TNFRSF10C: variants seen among roughly 807,000 people sequenced by gnomAD.
TNFRSF10C encodes tumor necrosis factor receptor superfamily member 10C.
In TNFRSF10C, 17 loss-of-function variants were observed where a neutral mutation model predicts 16.7. The observed-to-expected ratio is 1.02, with a 90% CI of 0.70 to 1.53. The LOEUF is 1.53. Ranked by LOEUF, TNFRSF10C falls within the 40% of genes most tolerant of loss-of-function variation. The probability of loss-of-function intolerance (pLI) is 0.00; values close to 1 mark genes in which losing one functional copy is unlikely to be tolerated. For synonymous variants in TNFRSF10C, 73 were observed against 119.7 expected, an observed-to-expected ratio of 0.61 and a Z score of 2.55; for missense variants, 237 against 329.7, an observed-to-expected ratio of 0.72 and a Z score of 2.18.
chr8:23,105,051 G>A (rs138726730), intron 1 of TNFRSF10C, among the ~76,000 whole-genome samples: 3 of 152,258 alleles, frequency 2.0e-5, no homozygotes, highest in Admixed American at 6.5e-5. Context: ...CAATCTGTGC[G>A]CCAGGTCCTT....
chr8:23,102,940 C>T lies in TNFRSF10C; in HGVS notation c.-182C>T. ...GATTCTGGCAGTGCAGCTGTGGGAA[C>T]CTCTCCACGCGCACGAACTCAGCCA... On this transcript the variant is annotated 5_prime_UTR_variant, in exon 1 of 5. Coordinates refer to ENST00000356864, the MANE Select transcript of TNFRSF10C (RefSeq NM_003841.5). 6.7e-7 allele frequency: 1 copy of T among 1,488,878 alleles called. No individual in the cohort carries two copies. The highest frequency in any genetic ancestry group is 1.3e-5 in the South Asian group (1 of 75,220). The allele number at this position is 1,488,878 out of a possible 1,614,324, so 92.2% of individuals were successfully genotyped here.
At chr8:23,104,636 A>C (rs1018451858) in intron 1 of TNFRSF10C, among the ~76,000 whole-genome samples, 3 of 152,158 alleles carry the variant, frequency 2.0e-5, no homozygotes, top group Non-Finnish European at 4.4e-5. Flanking sequence ...CCTCCAAAAA[A>C]CCACTGAACC....
chr8:23,105,457 G>A (rs1425897671), intron 1 of TNFRSF10C, among the ~76,000 whole-genome samples: 1 of 152,222 alleles, frequency 6.6e-6, no homozygotes, highest in East Asian at 1.9e-4. Flanking sequence ...CTAGGGTGGA[G>A]CACCACGGGG....
intron 1 of TNFRSF10C, among the ~76,000 whole-genome samples, chr8:23,109,667 T>C (rs13256465): frequency 0.11 from 16,669 of 150,674 alleles, 1,210 homozygotes; most frequent in East Asian, 0.35. Context: ...AAGAAAATTA[T>C]GGCCTGAGGA....
chr8:23,116,315 G>A (rs1040532858), intron 4 of TNFRSF10C, among the ~76,000 whole-genome samples: 6 of 152,250 alleles, frequency 3.9e-5, no homozygotes, highest in African/African-American at 1.4e-4. Flanking sequence ...AAGGGGCTCA[G>A]CTTGTGGCCA....
chr8:23,103,143 C>A lies in TNFRSF10C; in HGVS notation c.22C>A (p.Leu8Ile), dbSNP rs766893658. 5 of 1,612,274 alleles carry A rather than the reference C, an allele frequency of 3.1e-6. No individual in the cohort carries two copies. In the Admixed American group the frequency reaches 6.7e-5, roughly 22 times the overall value. MARIPKT[L>I]KFVVVIVAVL... ...TACCATGGCCCGGATCCCCAAGACCCTAAAGTTCGTCGTCGTCATCGTCGC... is the reference window on the plus strand; with the variant it reads ...TACCATGGCCCGGATCCCCAAGACCATAAAGTTCGTCGTCGTCATCGTCGC... Residue 8 changes from leucine to isoleucine, a missense_variant, in exon 1 of 5, where the codon CTA becomes ATA. Physicochemically the swap from Leu to Ile is conservative, Grantham distance 5. This residue lies in a region of TNFRSF10C where 212 missense variants were observed against 196.8 expected (regional missense o/e 1.08). Coordinates refer to ENST00000356864, the MANE Select transcript of TNFRSF10C (RefSeq NM_003841.5).
intron 1 of TNFRSF10C, among the ~76,000 whole-genome samples, chr8:23,105,747 G>A (rs939742382): frequency 6.6e-6 from 1 of 152,218 alleles, no homozygotes; most frequent in Non-Finnish European, 1.5e-5. Context: ...GTCAGGGATG[G>A]GGACAGTGGG....
chr8:23,109,626 C>T (rs1468444700), intron 1 of TNFRSF10C, among the ~76,000 whole-genome samples: 2 of 121,848 alleles, frequency 1.6e-5, no homozygotes, highest in Admixed American at 9.4e-5. Context: ...GACAGCGAGA[C>T]TCCATCTCAA....
rs369615757 is a variant in TNFRSF10C, at chr8:23,116,671, T to C, written c.420T>C (p.Asn140=). The change falls in exon 5 of 5, where the codon AAT becomes AAC. Residue 140 remains asparagine, a synonymous_variant. Transcript: ENST00000356864. ...RCPSGEVQVS[N]CTSWDDIQCV... The stretch of plus-strand genomic sequence containing the variant: ...CTAGTGGGGAAGTCCAAGTCAGTAA[T>C]TGTACGTCCTGGGATGATATCCAGT... 1.8e-5 allele frequency: 29 copies of C among 1,614,048 alleles called. No homozygotes were observed. The highest frequency in any genetic ancestry group is 1.6e-4 in the Middle Eastern group (1 of 6,084).
At chr8:23,105,158 G>T (rs2128829706) in intron 1 of TNFRSF10C, among the ~76,000 whole-genome samples, 2 of 152,308 alleles carry the variant, frequency 1.3e-5, no homozygotes, top group South Asian at 4.1e-4. Flanking sequence ...GAGATTGAAG[G>T]TTGTGAATGG....
In TNFRSF10C at chr8:23,114,564, T is replaced by C. The variant is rs916839425; in HGVS notation, c.167-93T>C. The C allele has an allele frequency of 3.0e-6, 3 of 993,752 alleles. No individual in the cohort carries two copies. The African/African-American group carries it at 4.8e-5, about 16-fold the overall frequency. The allele number at this position is 993,752 out of a possible 1,614,324, so 61.6% of individuals were successfully genotyped here. On this transcript the variant is annotated intron_variant, in intron 2 of 4. Transcript: ENST00000356864. ...GAAGAGTGGATTTCTCTGTCTCAAT[T>C]CCAGTGAGGGCCAAAAAAGAAGTTT...
intron 1 of TNFRSF10C, 36 bp downstream of exon 1, chr8:23,103,217 C>G (rs1305938412): frequency 1.3e-6 from 2 of 1,596,980 alleles, no homozygotes; most frequent in Non-Finnish European, 1.7e-6. Flanking sequence ...TGGGGAAGAG[C>G]GCACCTGGCG....
At chr8:23,114,381 T>C (rs1013692913) in intron 2 of TNFRSF10C, 3 of 330,690 alleles carry the variant, frequency 9.1e-6, no homozygotes, top group South Asian at 7.5e-5. Flanking sequence ...TAAAACTATA[T>C]TGTTAAAATT....
At position 23,103,169 on chromosome 8, in the gene TNFRSF10C, G is replaced by A. The variant is rs749970368; in HGVS notation, c.48G>A (p.Ala16=). Residue 16 remains alanine (A), a synonymous_variant, in exon 1 of 5, where the codon GCG becomes GCA. Transcript: ENST00000356864. ...KTLKFVVVIV[A]VLLPVLAYSA... ...TAAAGTTCGTCGTCGTCATCGTCGC[G>A]GTCCTGCTGCCAGTGAGTCCCGGCC... 6 of 1,611,466 alleles carry A rather than the reference G, an allele frequency of 3.7e-6. No homozygotes were observed. The South Asian group carries it at 5.5e-5, about 15-fold the overall frequency.
intron 2 of TNFRSF10C, among the ~76,000 whole-genome samples, chr8:23,112,346 G>A (rs1297933025): frequency 6.6e-6 from 1 of 152,176 alleles, no homozygotes. Flanking sequence ...ATTCCCTGTG[G>A]ATAGAAGGCA....
intron 1 of TNFRSF10C, among the ~76,000 whole-genome samples, chr8:23,103,919 A>G (rs1813718980): frequency 6.6e-6 from 1 of 152,060 alleles, no homozygotes; most frequent in Non-Finnish European, 1.5e-5. Context: ...AGCCCTTTTT[A>G]AGATTCTTTA....
chr8:23,113,700 T>C (rs1813923683), intron 2 of TNFRSF10C, among the ~76,000 whole-genome samples: 1 of 152,234 alleles, frequency 6.6e-6, no homozygotes, highest in South Asian at 2.1e-4. Flanking sequence ...TACTATACTT[T>C]TGTAACACGT....
rs780785336 is a variant in TNFRSF10C, at chr8:23,115,593, A to T, written c.366A>T (p.Pro122=). Residue 122 remains proline (P), a synonymous_variant, in exon 4 of 5, where the codon CCA becomes CCT. Coordinates refer to ENST00000356864, the MANE Select transcript of TNFRSF10C (RefSeq NM_003841.5). ...KEGTFRNENS[P]EMCRKCSRCP... is the part of the protein sequence containing the mutation. ...GCACCTTCCGGAATGAAAACTCCCC[A>T]GAGATGTGCCGGAAGTGTAGCAGGT... The T allele has an allele frequency of 6.2e-7, 1 of 1,613,718 alleles. No individual in the cohort carries two copies. Among genetic ancestry groups the T allele is most frequent in the Non-Finnish European group, 8.5e-7 (1 of 1,179,804 alleles).
chr8:23,112,781 G>C (rs1813904137), intron 2 of TNFRSF10C, among the ~76,000 whole-genome samples: 1 of 152,194 alleles, frequency 6.6e-6, no homozygotes, highest in Non-Finnish European at 1.5e-5. Context: ...ATGCATATGG[G>C]AGGGAAGATA....
Sources: allele counts gnomAD v4.1 joint callset (sites outside exome capture counted in the v4.1 genomes callset), GRCh38; gene constraint gnomAD v4.1.1; regional missense constraint gnomAD v4.1.1; transcripts MANE v1.5; gene names NCBI Gene and HGNC (gene_info 2026-07-23, HGNC 2026-07-21).